The following GRIK2 variants were observed in gnomAD, a reference collection of about 807,000 sequenced individuals.
The protein encoded by GRIK2 is glutamate ionotropic receptor kainate type subunit 2.
GRIK2 carries 32 observed loss-of-function variants against 100.3 expected under a neutral mutation model. The observed-to-expected ratio is 0.32, with a 90% CI of 0.24 to 0.43. The LOEUF is 0.43. Ranked by LOEUF, GRIK2 falls within the 20% of genes least tolerant of loss-of-function variation. The pLI is 1.00. For synonymous variants in GRIK2, 417 were observed against 389.4 expected (o/e 1.07, Z -0.83); for missense variants, 843 against 1,114.9 (o/e 0.76, Z 3.47).
In GRIK2 at chr6:101,720,371, A is replaced by G. The variant is rs1278140145; in HGVS notation, c.951+34018A>G. ...TTTATGTGTTCTATATTCTCATACC[A>G]TATATGTTGAATATGCTTATCTCAT... On this transcript the variant is annotated intron_variant, in intron 7 of 16. Coordinates refer to ENST00000369134, the MANE Select transcript of GRIK2 (RefSeq NM_021956.5). 2.6e-4 allele frequency among the ~76,000 whole-genome samples: 40 copies of G among 152,106 alleles called. 1 individual carries two copies.
chr6:101,519,259 T>C (rs1265862112), intron 2 of GRIK2, among the ~76,000 whole-genome samples: 1 of 150,534 alleles, frequency 6.6e-6, no homozygotes, highest in Non-Finnish European at 1.5e-5. Flanking sequence ...ATGGAGAGGG[T>C]GGAACATAAA....
intron 2 of GRIK2, among the ~76,000 whole-genome samples, chr6:101,573,913 TA>T (rs1171199096): frequency 6.6e-6 from 1 of 152,086 alleles, no homozygotes; most frequent in Non-Finnish European, 1.5e-5. Context: ...CTTTAATTTA[TA>T]AAAATCTTTT....
intron 14 of GRIK2, among the ~76,000 whole-genome samples, chr6:101,930,553 T>C (rs1790203520): frequency 6.6e-6 from 1 of 152,070 alleles, no homozygotes; most frequent in Non-Finnish European, 1.5e-5. Flanking sequence ...TTATTTCTGG[T>C]TCATAAACAT....
At chr6:101,905,853 AT>A (rs1788183126) in intron 12 of GRIK2, among the ~76,000 whole-genome samples, 1 of 151,534 alleles carries the variant, frequency 6.6e-6, no homozygotes, top group Admixed American at 6.6e-5. Flanking sequence ...TCTTTCAGAA[AT>A]AAAAAATGGA....
chr6:101,810,228 T>C (rs989171876), intron 9 of GRIK2, among the ~76,000 whole-genome samples: 2 of 151,996 alleles, frequency 1.3e-5, no homozygotes, highest in African/African-American at 4.8e-5. Flanking sequence ...TTTGGGAACA[T>C]GTAATTCATT....
At chr6:101,678,321 T>A (rs1770989520) in intron 5 of GRIK2, among the ~76,000 whole-genome samples, 1 of 152,144 alleles carries the variant, frequency 6.6e-6, no homozygotes, top group African/African-American at 2.4e-5. Context: ...TTTTCTTATG[T>A]GTTCTTTGCA....
At position 101,781,106 on chromosome 6, in the gene GRIK2, C is replaced by T. The variant is rs1206726272; in HGVS notation, c.952-18542C>T. ...TGTTTATTTTGTTTTTTTCTATTTACTTTATATGTTATTTTTTCAGTTATC... is the reference window on the plus strand; with the variant it reads ...TGTTTATTTTGTTTTTTTCTATTTATTTTATATGTTATTTTTTCAGTTATC... On this transcript the variant is annotated intron_variant, in intron 7 of 16. Coordinates refer to ENST00000369134, the MANE Select transcript of GRIK2 (RefSeq NM_021956.5). Among the ~76,000 whole-genome samples the T allele has an allele frequency of 2.0e-5, 3 of 151,868 alleles. No homozygotes were observed. The South Asian group carries it at 6.2e-4, about 32-fold the overall frequency.
At chr6:101,883,067 T>G (rs1302155994) in intron 11 of GRIK2, among the ~76,000 whole-genome samples, 1 of 151,908 alleles carries the variant, frequency 6.6e-6, no homozygotes, top group Non-Finnish European at 1.5e-5. Flanking sequence ...AATCCAGCAT[T>G]TCTCATTCAT....
intron 2 of GRIK2, among the ~76,000 whole-genome samples, chr6:101,537,449 T>C (rs202209464): frequency 3.6e-5 from 4 of 112,470 alleles, no homozygotes; most frequent in East Asian, 3.4e-4. Context: ...TGTTTGTGTG[T>C]GTGTGCGTGT....
At chr6:101,849,607 A>T (rs756250277) in intron 10 of GRIK2, among the ~76,000 whole-genome samples, 1 of 152,050 alleles carries the variant, frequency 6.6e-6, no homozygotes, top group Non-Finnish European at 1.5e-5. Flanking sequence ...GTTATGATTT[A>T]ATGCCTTCAG....
chr6:101,407,667 T>C (rs1284226706), intron 2 of GRIK2, among the ~76,000 whole-genome samples: 1 of 152,142 alleles, frequency 6.6e-6, no homozygotes, highest in African/African-American at 2.4e-5. Context: ...TTACTCAGTG[T>C]CAAAGCTTTT....
intron 2 of GRIK2, among the ~76,000 whole-genome samples, chr6:101,450,503 G>A (rs1336140653): frequency 6.6e-6 from 1 of 151,626 alleles, no homozygotes; most frequent in Non-Finnish European, 1.5e-5. Context: ...CTGTACCAGG[G>A]ACAATTTTAA....
chr6:101,619,029 G>T (rs1780024820), intron 2 of GRIK2, among the ~76,000 whole-genome samples: 1 of 145,878 alleles, frequency 6.9e-6, no homozygotes, highest in African/African-American at 2.5e-5. Flanking sequence ...TTTTCTTCTT[G>T]GAACAATTAC....
At chr6:101,973,183 C>T (rs1239939033) in intron 14 of GRIK2, among the ~76,000 whole-genome samples, 2 of 151,836 alleles carry the variant, frequency 1.3e-5, no homozygotes, top group East Asian at 1.9e-4. Context: ...GAAAAATCAT[C>T]TGAAAGACTT....
chr6:101,401,748 C>T (rs1341249435), intron 2 of GRIK2, among the ~76,000 whole-genome samples: 2 of 152,248 alleles, frequency 1.3e-5, no homozygotes, highest in Non-Finnish European at 2.9e-5. Flanking sequence ...GTATAAGCCA[C>T]TCTTGAGAAT....
At chr6:101,767,390 G>T (rs1171807243) in intron 7 of GRIK2, among the ~76,000 whole-genome samples, 1 of 151,968 alleles carries the variant, frequency 6.6e-6, no homozygotes, top group African/African-American at 2.4e-5. Context: ...GATTTATTAT[G>T]ATCTCTCTTT....
intron 2 of GRIK2, among the ~76,000 whole-genome samples, chr6:101,474,442 G>A (rs1772120198): frequency 1.3e-5 from 2 of 151,756 alleles, no homozygotes; most frequent in Admixed American, 6.6e-5. Flanking sequence ...TTCTTACTTA[G>A]TATTGTGTTG....
intron 12 of GRIK2, 110 bp downstream of exon 12, chr6:101,889,973 G>A (rs1310991829): frequency 1.2e-5 from 8 of 680,594 alleles, no homozygotes; most frequent in Non-Finnish European, 2.1e-5. Context: ...TATTTTCCAT[G>A]GGGTGCTGAG....
intron 11 of GRIK2, among the ~76,000 whole-genome samples, chr6:101,879,269 A>C (rs148258821): frequency 6.6e-5 from 10 of 152,194 alleles, no homozygotes; most frequent in Non-Finnish European, 1.3e-4. Context: ...CCTAATGCTT[A>C]ACCTATTTCC....
Sources: allele counts gnomAD v4.1 joint callset (sites outside exome capture counted in the v4.1 genomes callset), GRCh38; gene constraint gnomAD v4.1.1; transcripts MANE v1.5; gene names NCBI Gene and HGNC (gene_info 2026-07-23, HGNC 2026-07-21).